The following R3HDM2 variants were observed in gnomAD, a reference collection of about 807,000 sequenced individuals.
R3HDM2 encodes the protein R3H domain containing 2.
Under a neutral mutation model 124.5 loss-of-function variants are expected in R3HDM2, and 38 were observed. The observed-to-expected ratio is 0.31, with a 90% confidence interval of 0.24 to 0.40. The LOEUF (loss-of-function observed/expected upper bound fraction) is 0.40, where lower values mean the gene tolerates loss of function less well. Ranked by LOEUF, R3HDM2 falls within the 10% of genes least tolerant of loss-of-function variation. The probability of loss-of-function intolerance (pLI) is 1.00; values close to 1 mark genes in which losing one functional copy is unlikely to be tolerated. For missense variants in R3HDM2, 869 were observed against 1,236.9 expected (o/e 0.70, Z 4.46); for synonymous variants, 391 against 448.0 (o/e 0.87, Z 1.61).
At chr12:57,279,408 C>T (rs2045634100) in intron 14 of R3HDM2, among the ~76,000 whole-genome samples, 1 of 150,870 alleles carries the variant, frequency 6.6e-6, no homozygotes, top group Non-Finnish European at 1.5e-5. Context: ...GTCTTGAACT[C>T]CTGACCTCAG....
intron 2 of R3HDM2, among the ~76,000 whole-genome samples, chr12:57,383,717 AAAT>A (rs918392313): frequency 4.6e-5 from 7 of 151,990 alleles, no homozygotes; most frequent in Admixed American, 3.9e-4. Flanking sequence ...CAAACAAACA[AAAT>A]AATAATAATA....
Position 57,366,127 on chromosome 12 carries a change from A to C in R3HDM2, c.-36+29622T>G, listed in dbSNP as rs2062618227. Among the ~76,000 whole-genome samples the C allele has an allele frequency of 2.0e-5, 3 of 152,070 alleles. No homozygotes were observed. The South Asian group carries it at 6.2e-4, about 32-fold the overall frequency. On this transcript the variant is annotated intron_variant, in intron 2 of 23. Transcript: ENST00000402412. ...ACTGCTTGATGTTGTTCCACTGCTC[A>C]CTGACACTCTTCACTTATTTTTTTG... is the stretch of plus-strand genomic sequence containing the variant.
chr12:57,294,895 T>A (rs1419498374), intron 10 of R3HDM2, among the ~76,000 whole-genome samples: 3 of 152,210 alleles, frequency 2.0e-5, no homozygotes, highest in Non-Finnish European at 4.4e-5. Context: ...GGAAAAAGAT[T>A]AAGGAGTTTG....
chr12:57,327,207 C>T (rs2057420023), intron 2 of R3HDM2, among the ~76,000 whole-genome samples: 1 of 152,116 alleles, frequency 6.6e-6, no homozygotes, highest in Admixed American at 6.5e-5. Context: ...TGGTTCACAT[C>T]TGTAATCCCA....
intron 1 of R3HDM2, among the ~76,000 whole-genome samples, chr12:57,410,331 A>C (rs1022161173): frequency 2.6e-5 from 4 of 151,568 alleles, no homozygotes; most frequent in Admixed American, 6.6e-5. Context: ...AAAAAAAAAA[A>C]AAAAAAAAAA....
intron 13 of R3HDM2, among the ~76,000 whole-genome samples, chr12:57,281,037 C>T (rs551483692): frequency 6.6e-6 from 1 of 152,122 alleles, no homozygotes; most frequent in African/African-American, 2.4e-5. Flanking sequence ...AATCCCAGCA[C>T]TTTGCGAGGC....
At chr12:57,287,838 A>G (rs2080565404) in intron 12 of R3HDM2, among the ~76,000 whole-genome samples, 2 of 152,206 alleles carry the variant, frequency 1.3e-5, no homozygotes, top group East Asian at 1.9e-4. Flanking sequence ...CCTCTGGGGT[A>G]GGATTGAGAG....
rs926114572 is a variant in R3HDM2, at chr12:57,336,502, T to C, written c.-35-26039A>G. Among the ~76,000 whole-genome samples, 3 of 152,244 alleles carry C rather than the reference T, an allele frequency of 2.0e-5. No individual in the cohort carries two copies. The East Asian group carries it at 5.8e-4, about 29-fold the overall frequency. ...GCAGCCATAAAAAAGAATGAGATAA[T>C]GTCTTTTGCAGGAACAGGGATGAAG... On this transcript the variant is annotated intron_variant, in intron 2 of 23. Transcript: ENST00000402412.
At chr12:57,317,261 G>T (rs1166893136) in intron 2 of R3HDM2, among the ~76,000 whole-genome samples, 1 of 150,494 alleles carries the variant, frequency 6.6e-6, no homozygotes, top group African/African-American at 2.4e-5. Flanking sequence ...GGAGTGTAGT[G>T]GCATGATCAC....
intron 1 of R3HDM2, among the ~76,000 whole-genome samples, chr12:57,397,318 T>C (rs1436340181): frequency 6.6e-6 from 1 of 152,136 alleles, no homozygotes; most frequent in Non-Finnish European, 1.5e-5. Context: ...AGGCCACCAT[T>C]GGAACCCTTA....
rs566612433 is a variant in R3HDM2 at position 57,407,576 on chromosome 12, TTTGTG to T, written c.-105-11763_-105-11759del. 1.2e-3 allele frequency among the ~76,000 whole-genome samples: 179 copies of T among 151,336 alleles called. 1 individual carries two copies. The highest frequency in any genetic ancestry group is 4.0e-3 in the African/African-American group (165 of 41,252). On this transcript the variant is annotated intron_variant, in intron 1 of 23. Coordinates refer to ENST00000402412, the MANE Select transcript of R3HDM2 (RefSeq NM_001394031.1). ...GTCTGCCACCGTGCCCAGCTAATTT[TTTGTG>T]TTTTTAGTAGAGATGGGGTTTCACC...
chr12:57,315,530 A>G (rs2054828322), intron 2 of R3HDM2, among the ~76,000 whole-genome samples: 2 of 152,162 alleles, frequency 1.3e-5, no homozygotes, highest in Admixed American at 6.5e-5. Flanking sequence ...AAATGGGTAT[A>G]TTTCGTCAAA....
chr12:57,330,800 G>A (rs1307969817), intron 2 of R3HDM2, among the ~76,000 whole-genome samples: 3 of 140,108 alleles, frequency 2.1e-5, no homozygotes, highest in African/African-American at 8.0e-5. Context: ...CCGGGTTCAC[G>A]CCATTCTCCT....
intron 12 of R3HDM2, among the ~76,000 whole-genome samples, chr12:57,285,432 TGAGA>T (rs966313378): frequency 2.9e-5 from 4 of 137,352 alleles, no homozygotes; most frequent in African/African-American, 5.2e-5. Flanking sequence ...ACCCCAAGAC[TGAGA>T]GAGAGAGAGA....
intron 14 of R3HDM2, among the ~76,000 whole-genome samples, chr12:57,276,225 A>G (rs924821033): frequency 1.3e-5 from 2 of 151,752 alleles, no homozygotes; most frequent in Non-Finnish European, 2.9e-5. Flanking sequence ...AAAAAAAAAA[A>G]AAGAACTAAA....
At chr12:57,366,880 C>T (rs1045151643) in intron 2 of R3HDM2, among the ~76,000 whole-genome samples, 33 of 152,196 alleles carry the variant, frequency 2.2e-4, no homozygotes, top group African/African-American at 7.7e-4. Flanking sequence ...TTAGTAGAGA[C>T]AGGGTTTCAC....
At chr12:57,389,879 G>A (rs1270835496) in intron 2 of R3HDM2, among the ~76,000 whole-genome samples, 1 of 152,168 alleles carries the variant, frequency 6.6e-6, no homozygotes, top group East Asian at 1.9e-4. Flanking sequence ...ATCATCTTGT[G>A]CTATGGTAGC....
At chr12:57,259,151 A>C in intron 19 of R3HDM2, 92 bp from the exon 20 acceptor site, 2 of 1,356,730 alleles carry the variant, frequency 1.5e-6, no homozygotes, top group Non-Finnish European at 2.0e-6. Context: ...AAATAAATCC[A>C]CCCATTGCCT....
intron 2 of R3HDM2, among the ~76,000 whole-genome samples, chr12:57,360,562 TAG>T (rs2061804249): frequency 1.3e-5 from 2 of 150,872 alleles, no homozygotes; most frequent in South Asian, 4.2e-4. Flanking sequence ...TTCGAGGCTA[TAG>T]TGAGCCCTCA....
Sources: allele counts gnomAD v4.1 joint callset (sites outside exome capture counted in the v4.1 genomes callset), GRCh38; gene constraint gnomAD v4.1.1; transcripts MANE v1.5; gene names NCBI Gene and HGNC (gene_info 2026-07-23, HGNC 2026-07-21).